Variants in LSAMP observed in about 807,000 individuals in gnomAD.
LSAMP encodes limbic system associated membrane protein, also known as limbic system-associated membrane protein.
Under a neutral mutation model 38.6 loss-of-function variants are expected in LSAMP, and 7 were observed. The observed-to-expected ratio is 0.18, with a 90% CI of 0.10 to 0.34. The LOEUF (loss-of-function observed/expected upper bound fraction) is 0.34. LSAMP is among the 10% of genes least tolerant of loss of function. LSAMP has a pLI of 1.00. For synonymous variants in LSAMP, 154 were observed against 166.8 expected, an observed-to-expected ratio of 0.92 and a Z score of 0.59; for missense variants, 313 against 420.0, an observed-to-expected ratio of 0.75 and a Z score of 2.23.
At chr3:116,414,913 C>G (rs1425425158) in intron 1 of LSAMP, among the ~76,000 whole-genome samples, 1 of 152,050 alleles carries the variant, frequency 6.6e-6, no homozygotes, top group Non-Finnish European at 1.5e-5. Context: ...CTGCTTGCTC[C>G]CAAGCCTGAG....
chr3:116,182,438 A>G (rs1559773335), intron 1 of LSAMP, among the ~76,000 whole-genome samples: 2 of 151,574 alleles, frequency 1.3e-5, no homozygotes, highest in Admixed American at 6.6e-5. Flanking sequence ...TCTAGCACTC[A>G]TGAAACTTAG....
chr3:116,436,638 T>G (rs1411293371), intron 1 of LSAMP, among the ~76,000 whole-genome samples: 1 of 152,126 alleles, frequency 6.6e-6, no homozygotes, highest in Non-Finnish European at 1.5e-5. Flanking sequence ...GATACCACCT[T>G]ACTCCTCCAA....
intron 1 of LSAMP, among the ~76,000 whole-genome samples, chr3:116,122,873 G>T (rs909552896): frequency 2.6e-5 from 4 of 152,118 alleles, no homozygotes; most frequent in Non-Finnish European, 5.9e-5. Context: ...CAAGAGCTAT[G>T]GTATCCATGA....
At chr3:116,225,072 G>C (rs898592187) in intron 1 of LSAMP, among the ~76,000 whole-genome samples, 2 of 152,124 alleles carry the variant, frequency 1.3e-5, no homozygotes, top group Non-Finnish European at 2.9e-5. Flanking sequence ...GGACATTTGA[G>C]GGAAATTTGA....
intron 2 of LSAMP, among the ~76,000 whole-genome samples, chr3:116,030,151 T>C (rs989573716): frequency 1.3e-5 from 2 of 152,290 alleles, no homozygotes; most frequent in South Asian, 2.1e-4. Flanking sequence ...AATCAAGGTA[T>C]ATTAAATTGA....
At chr3:116,273,310 A>G (rs982705098) in intron 1 of LSAMP, among the ~76,000 whole-genome samples, 6 of 151,856 alleles carry the variant, frequency 4.0e-5, no homozygotes, top group Non-Finnish European at 7.4e-5. Flanking sequence ...GCCACACTCT[A>G]CCTAGTTCTT....
intron 1 of LSAMP, among the ~76,000 whole-genome samples, chr3:116,254,425 T>C (rs890042086): frequency 6.6e-6 from 1 of 151,314 alleles, no homozygotes; most frequent in African/African-American, 2.4e-5. Flanking sequence ...GAGGGGGTGA[T>C]AGAGGGAGAA....
intron 3 of LSAMP, among the ~76,000 whole-genome samples, chr3:115,935,201 G>A (rs1044328292): frequency 6.6e-6 from 1 of 151,774 alleles, no homozygotes; most frequent in African/African-American, 2.4e-5. Flanking sequence ...GAAATAGAGG[G>A]GATAGAGGTA....
At chr3:115,900,682 G>A (rs550157534) in intron 3 of LSAMP, among the ~76,000 whole-genome samples, 2 of 152,238 alleles carry the variant, frequency 1.3e-5, no homozygotes, top group East Asian at 1.9e-4. Flanking sequence ...CAAAAGGAGA[G>A]AAGTTGGCTG....
intron 1 of LSAMP, among the ~76,000 whole-genome samples, chr3:116,134,387 T>A (rs1488860664): frequency 1.3e-5 from 2 of 152,184 alleles, no homozygotes; most frequent in Non-Finnish European, 2.9e-5. Context: ...GAAATCAGAC[T>A]GTGTGATCCC....
At position 116,163,489 on chromosome 3, in the gene LSAMP, G is replaced by T. The variant is rs375587009; in HGVS notation, c.156-76933C>A. 2.5e-3 allele frequency among the ~76,000 whole-genome samples: 384 copies of T among 151,216 alleles called. 1 individual carries two copies. The highest frequency in any genetic ancestry group is 8.8e-3 in the African/African-American group (363 of 41,064). On this transcript the variant is annotated intron_variant, in intron 1 of 6. Coordinates refer to ENST00000490035, the MANE Select transcript of LSAMP (RefSeq NM_002338.5). ...CCAGTCTATCATTGTTGGACATTTG[G>T]GTTGGTTCCAAGTCTTTGCTATTGT...
chr3:116,255,080 A>G (rs1241735410), intron 1 of LSAMP, among the ~76,000 whole-genome samples: 2 of 152,110 alleles, frequency 1.3e-5, no homozygotes, highest in South Asian at 2.1e-4. Flanking sequence ...CTACATTTCC[A>G]TCTCATTTCA....
rs1411327050 is a variant in LSAMP at position 115,808,938 on chromosome 3, GGGGAA to G, written c.*1374_*1378del. On this transcript the variant is annotated 3_prime_UTR_variant, in exon 7 of 7. Coordinates refer to ENST00000490035, the MANE Select transcript of LSAMP (RefSeq NM_002338.5). The stretch of plus-strand genomic sequence containing the variant: ...TGAAATAGGAAACAATCTCTGCTCA[GGGGAA>G]TTCATGGGACAAATGTTATTTAAGA... The G allele has an allele frequency of 1.2e-4, 18 of 152,276 alleles. No individual in the cohort carries two copies. The highest frequency in any genetic ancestry group is 3.9e-4 in the African/African-American group (16 of 41,548). The allele number at this position is 152,276 out of a possible 1,614,324, so 9.4% of individuals were successfully genotyped here.
intron 2 of LSAMP, among the ~76,000 whole-genome samples, chr3:116,022,576 G>A (rs1940670221): frequency 6.6e-6 from 1 of 151,930 alleles, no homozygotes; most frequent in Non-Finnish European, 1.5e-5. Flanking sequence ...TATTTCCCTT[G>A]GATTCTAGGA....
At chr3:116,162,923 T>C (rs1033995714) in intron 1 of LSAMP, among the ~76,000 whole-genome samples, 2 of 152,038 alleles carry the variant, frequency 1.3e-5, no homozygotes, top group African/African-American at 4.8e-5. Context: ...AGGATCAATT[T>C]TGGTTGCCAT....
At chr3:115,999,466 T>C (rs1450217639) in intron 3 of LSAMP, among the ~76,000 whole-genome samples, 1 of 152,186 alleles carries the variant, frequency 6.6e-6, no homozygotes, top group African/African-American at 2.4e-5. Flanking sequence ...ATGTTGTGCT[T>C]ATCCTAATAT....
chr3:116,188,961 T>C (rs902899014), intron 1 of LSAMP, among the ~76,000 whole-genome samples: 21 of 152,226 alleles, frequency 1.4e-4, no homozygotes, highest in Non-Finnish European at 3.1e-4. Context: ...TCATGCATTT[T>C]ATTCATTAAT....
At chr3:116,106,642 G>T (rs1708474532) in intron 1 of LSAMP, among the ~76,000 whole-genome samples, 1 of 152,140 alleles carries the variant, frequency 6.6e-6, no homozygotes. Flanking sequence ...ATAAAGGCTG[G>T]TCTGTTATCA....
intron 6 of LSAMP, among the ~76,000 whole-genome samples, chr3:115,831,512 T>C (rs375807611): frequency 1.3e-5 from 2 of 152,202 alleles, no homozygotes; most frequent in Admixed American, 1.3e-4. Context: ...AGAATGTCTC[T>C]GGGTGCACTT....
Sources: gnomAD v4.1 joint callset for allele counts (sites outside exome capture counted in the v4.1 genomes callset) on GRCh38, gnomAD v4.1.1 for gene constraint, MANE v1.5 for transcripts, NCBI Gene and HGNC (gene_info 2026-07-23, HGNC 2026-07-21) for gene names.